The following ACTR5 variants were observed in gnomAD, a reference collection of about 807,000 sequenced individuals.
ACTR5 encodes the protein actin-related protein 5.
In ACTR5, 43 loss-of-function variants were observed where a neutral mutation model predicts 61.2. That is an observed-to-expected ratio of 0.70 (90% CI 0.55 to 0.91). The LOEUF is 0.91. ACTR5 is among the 40% of genes least tolerant of loss of function. The pLI is 0.00. For synonymous variants in ACTR5, 333 were observed against 310.5 expected, an observed-to-expected ratio of 1.07 and a Z score of -0.76; for missense variants, 798 against 782.2, an observed-to-expected ratio of 1.02 and a Z score of -0.24.
Position 38,748,541 on chromosome 20 carries a change from C to T in ACTR5, c.63C>T (p.Ala21=), listed in dbSNP as rs961410281. 7.3e-6 allele frequency: 11 copies of T among 1,509,726 alleles called. No homozygotes were observed. Among genetic ancestry groups the T allele is most frequent in the South Asian group, 5.0e-5 (4 of 80,612 alleles). 93.5% of individuals were successfully genotyped at this position (1,509,726 alleles called of 1,614,324 possible). Residue 21 remains alanine (A), a synonymous_variant, in exon 1 of 9, where the codon GCC becomes GCT. Coordinates refer to ENST00000243903, the MANE Select transcript of ACTR5 (RefSeq NM_024855.4). ...ARAAPDPVLE[A]GPVAHGPLPV... ...CCGCACCGGACCCAGTGCTGGAGGC[C>T]GGCCCGGTGGCACACGGGCCACTGC...
At chr20:38,760,057 G>A (rs774500941) in intron 5 of ACTR5, among the ~76,000 whole-genome samples, 6 of 151,412 alleles carry the variant, frequency 4.0e-5, no homozygotes, top group Non-Finnish European at 8.8e-5. Context: ...GAGAGGCTGA[G>A]GTGGGAGGAT....
rs576241749 is a variant in ACTR5, at chr20:38,769,926, G to A, written c.1567-1633G>A. 5.3e-5 allele frequency among the ~76,000 whole-genome samples: 8 copies of A among 152,248 alleles called. No individual in the cohort carries two copies. In the South Asian group the frequency reaches 6.2e-4, roughly 12 times the overall value. On this transcript the variant is annotated intron_variant, in intron 8 of 8. Transcript: ENST00000243903. Reference sequence around the variant, plus strand: ...CATGGGGCTGGGTCACGCTGGCAGCGGCGACTTAGGATGAAGTAGTAGAGA... The same window carrying A: ...CATGGGGCTGGGTCACGCTGGCAGCAGCGACTTAGGATGAAGTAGTAGAGA...
At chr20:38,750,267 C>A (rs376038989) in intron 2 of ACTR5, 28 bp downstream of exon 2, 2 of 1,583,246 alleles carry the variant, frequency 1.3e-6, no homozygotes, top group Non-Finnish European at 1.7e-6. Flanking sequence ...CATTTGAGTG[C>A]GATTTTGAGA....
At chr20:38,752,081 A>C in intron 2 of ACTR5, 50 bp from the exon 3 acceptor site, 1 of 1,580,378 alleles carries the variant, frequency 6.3e-7, no homozygotes, top group Non-Finnish European at 8.6e-7. Context: ...GATGCTCCAT[A>C]TTTCTGTCCT....
chr20:38,750,788 C>G (rs749025352), intron 2 of ACTR5, among the ~76,000 whole-genome samples: 24 of 152,152 alleles, frequency 1.6e-4, no homozygotes, highest in Non-Finnish European at 2.9e-4. Flanking sequence ...GCCACCATTC[C>G]TGGCTAATTT....
intron 5 of ACTR5, among the ~76,000 whole-genome samples, chr20:38,760,507 AG>A (rs2084447098): frequency 6.6e-6 from 1 of 152,206 alleles, no homozygotes; most frequent in Admixed American, 6.5e-5. Context: ...TAGGATCCCA[AG>A]ATCTCGCTGC....
chr20:38,755,789 C>T, intron 4 of ACTR5, 68 bp from the exon 5 acceptor site: 2 of 1,585,260 alleles, frequency 1.3e-6, no homozygotes. Flanking sequence ...AAGCCCTCTC[C>T]AGCTGTCGTT....
At position 38,772,158 on chromosome 20, in the gene ACTR5, C is replaced by A; in HGVS notation, c.*342C>A. On this transcript the variant is annotated 3_prime_UTR_variant, in exon 9 of 9. Coordinates refer to ENST00000243903, the MANE Select transcript of ACTR5 (RefSeq NM_024855.4). ...GACTGATTTCTTACCACATTTTAGT[C>A]TTTCTTGTTTTAAAAAAAATTCTTT... 1 of 256,074 alleles carries A rather than the reference C, an allele frequency of 3.9e-6. No homozygotes were observed. Among genetic ancestry groups the A allele is most frequent in the Non-Finnish European group, 7.5e-6 (1 of 133,154 alleles). 15.9% of individuals were successfully genotyped at this position (256,074 alleles called of 1,614,324 possible). A position where few individuals can be genotyped will look rare whatever the true frequency, so the allele number is the denominator to read the frequency against.
chr20:38,765,842 C>T (rs1356995672), intron 6 of ACTR5, among the ~76,000 whole-genome samples: 1 of 152,206 alleles, frequency 6.6e-6, no homozygotes, highest in African/African-American at 2.4e-5. Flanking sequence ...TCTTTGGAAT[C>T]TATGTTTCTG....
At position 38,755,797 on chromosome 20, in the gene ACTR5, G is replaced by A. The variant is rs759748571; in HGVS notation, c.994-60G>A. 8.4e-5 allele frequency: 135 copies of A among 1,601,410 alleles called. No individual in the cohort carries two copies. The Middle Eastern group carries it at 8.6e-4, about 10-fold the overall frequency. On this transcript the variant is annotated intron_variant, in intron 4 of 8. Transcript: ENST00000243903. The stretch of plus-strand genomic sequence containing the variant: ...GCTCTGGAAGCCCTCTCCAGCTGTC[G>A]TTTTCTCCGTTTGGCTTTGAAGCTA...
At position 38,766,473 on chromosome 20, in the gene ACTR5, G is replaced by C. The variant is rs558551925; in HGVS notation, c.1433+96G>C. 11 of 1,391,240 alleles carry C rather than the reference G, an allele frequency of 7.9e-6. No homozygotes were observed. In the African/African-American group the frequency reaches 1.3e-4, roughly 16 times the overall value. 86.2% of individuals were successfully genotyped at this position (1,391,240 alleles called of 1,614,324 possible). ...ATTTGATGGTCAGGCACTTGAAAAT[G>C]CATCTCACTCTCTTCTTTTCATTGA... On this transcript the variant is annotated intron_variant, in intron 7 of 8. Coordinates refer to ENST00000243903, the MANE Select transcript of ACTR5 (RefSeq NM_024855.4).
In ACTR5 at chr20:38,748,542, G is replaced by C; in HGVS notation, c.64G>C (p.Gly22Arg). 6.6e-7 allele frequency: 1 copy of C among 1,510,116 alleles called. No individual in the cohort carries two copies. The highest frequency in any genetic ancestry group is 1.2e-5 in the South Asian group (1 of 80,610). The allele number at this position is 1,510,116 out of a possible 1,614,324, so 93.5% of individuals were successfully genotyped here. A position where few individuals can be genotyped will look rare whatever the true frequency, so the allele number is the denominator to read the frequency against. Residue 22 changes from glycine to arginine, a missense_variant, in exon 1 of 9, where the codon GGC becomes CGC. Gly to Arg is a moderately radical substitution (Grantham distance 125, BLOSUM62 -2). Transcript: ENST00000243903. ...RAAPDPVLEAGPVAHGPLPVP... is the reference protein window; with the variant it reads ...RAAPDPVLEARPVAHGPLPVP... ...CGCACCGGACCCAGTGCTGGAGGCC[G>C]GCCCGGTGGCACACGGGCCACTGCC...
intron 5 of ACTR5, among the ~76,000 whole-genome samples, chr20:38,765,080 G>A (rs1009965429): frequency 2.6e-5 from 4 of 152,198 alleles, no homozygotes; most frequent in African/African-American, 4.8e-5. Flanking sequence ...TGCGTGTGTG[G>A]TGGTGTGACT....
At chr20:38,752,919 C>CTT (rs113793312) in intron 3 of ACTR5, among the ~76,000 whole-genome samples, 3 of 150,010 alleles carry the variant, frequency 2.0e-5, no homozygotes, top group Admixed American at 6.6e-5. Flanking sequence ...AAAACTGCAT[C>CTT]TTTTTTTTTT....
At chr20:38,769,100 C>T (rs899377962) in intron 8 of ACTR5, among the ~76,000 whole-genome samples, 1 of 152,182 alleles carries the variant, frequency 6.6e-6, no homozygotes, top group Admixed American at 6.5e-5. Flanking sequence ...TCCACCCGCT[C>T]GTCAGCCACA....
At position 38,748,623 on chromosome 20, in the gene ACTR5, C is replaced by A; in HGVS notation, c.145C>A (p.Pro49Thr). The change falls in exon 1 of 9, where the codon CCC becomes ACC. Residue 49 changes from proline to threonine, a missense_variant. Transcript: ENST00000243903. Reference protein sequence around the residue: ...SFQVRAGWACPGQDPGPEPRL... With the variant: ...SFQVRAGWACTGQDPGPEPRL... Reference sequence around the variant, plus strand: ...CCAAGTCCGCGCTGGCTGGGCGTGTCCCGGGCAGGACCCAGGTCCCGAGCC... The same window carrying A: ...CCAAGTCCGCGCTGGCTGGGCGTGTACCGGGCAGGACCCAGGTCCCGAGCC... The A allele has an allele frequency of 6.6e-7, 1 of 1,523,028 alleles. No individual in the cohort carries two copies. The highest frequency in any genetic ancestry group is 8.8e-7 in the Non-Finnish European group (1 of 1,137,420). 94.3% of individuals were successfully genotyped at this position (1,523,028 alleles called of 1,614,324 possible).
rs780258315 is a variant in ACTR5 at position 38,766,326 on chromosome 20, T to C, written c.1382T>C (p.Ile461Thr). Residue 461 changes from isoleucine (I) to threonine (T), a missense_variant, in exon 7 of 9, where the codon ATA (isoleucine) becomes ACA (threonine). Coordinates refer to ENST00000243903, the MANE Select transcript of ACTR5 (RefSeq NM_024855.4). ...APEIIFQPSL[I>T]GEEQAGIAET... ...GAGATTATTTTCCAGCCATCTCTCATAGGAGAAGAACAGGCTGGGATTGCA... is the reference window on the plus strand; with the variant it reads ...GAGATTATTTTCCAGCCATCTCTCACAGGAGAAGAACAGGCTGGGATTGCA... 7 of 1,613,964 alleles carry C rather than the reference T, an allele frequency of 4.3e-6. No homozygotes were observed. The Admixed American group carries it at 6.7e-5, about 15-fold the overall frequency.
rs1387098439 is a variant in ACTR5 at position 38,748,697 on chromosome 20, G to C, written c.219G>C (p.Arg73=). The C allele has an allele frequency of 6.6e-7, 1 of 1,523,796 alleles. No individual in the cohort carries two copies. The allele number at this position is 1,523,796 out of a possible 1,614,324, so 94.4% of individuals were successfully genotyped here. A position where few individuals can be genotyped will look rare whatever the true frequency, so the allele number is the denominator to read the frequency against. ...AVCARGRGGA[R]GASGPQVGNA... ...GCGCCCGCGGTCGTGGCGGGGCACG[G>C]GGCGCGTCGGGCCCGCAGGTGGGGA... Residue 73 remains arginine (R), a synonymous_variant, in exon 1 of 9, where the codon CGG becomes CGC. Coordinates refer to ENST00000243903, the MANE Select transcript of ACTR5 (RefSeq NM_024855.4).
chr20:38,754,248 C>G (rs1338863799), intron 3 of ACTR5, among the ~76,000 whole-genome samples: 1 of 152,056 alleles, frequency 6.6e-6, no homozygotes, highest in East Asian at 1.9e-4. Flanking sequence ...TCCAAGCTTC[C>G]TTCTGGTGTT....
Sources: gnomAD v4.1 joint callset for allele counts (sites outside exome capture counted in the v4.1 genomes callset) on GRCh38, gnomAD v4.1.1 for gene constraint, MANE v1.5 for transcripts, NCBI Gene and HGNC (gene_info 2026-07-23, HGNC 2026-07-21) for gene names.